Variants in ELFN1 observed in about 807,000 individuals in gnomAD.
ELFN1 encodes extracellular leucine rich repeat and fibronectin type III domain containing 1.
ELFN1 carries 6 observed loss-of-function variants against 7.6 expected under a neutral mutation model. The observed-to-expected ratio is 0.79, with a 90% confidence interval of 0.43 to 1.56. ELFN1 has a LOEUF of 1.56. ELFN1 is among the 40% of genes most tolerant of loss of function. ELFN1 has a pLI of 0.01. For synonymous variants in ELFN1, 657 were observed against 588.1 expected, an observed-to-expected ratio of 1.12 and a Z score of -1.70; for missense variants, 1,169 against 1,232.2, an observed-to-expected ratio of 0.95 and a Z score of 0.77.
intron 1 of ELFN1, among the ~76,000 whole-genome samples, chr7:1,684,097 C>G (rs1206927096): frequency 1.3e-5 from 2 of 152,072 alleles, no homozygotes; most frequent in African/African-American, 4.8e-5. Context: ...CTGCAGAAAG[C>G]TAAGATTACA....
At position 1,746,676 on chromosome 7, in the gene ELFN1, G is replaced by A; in HGVS notation, c.2080G>A (p.Ala694Thr). ...CGCGGCCGCCGTGCTGCGGGCCGAG[G>A]CCGAGAAGGGTCGCCAGTACGGCGA... ...TPAAAVLRAEAEKGRQYGEHR... is the reference protein window; with the variant it reads ...TPAAAVLRAETEKGRQYGEHR... The change falls in exon 4 of 4, where the codon GCC becomes ACC. Residue 694 changes from alanine (A) to threonine (T), a missense_variant. By Grantham distance (58) the Ala-to-Thr change is moderately conservative. Transcript: ENST00000424383. The A allele has an allele frequency of 7.1e-7, 1 of 1,415,438 alleles. No homozygotes were observed. The highest frequency in any genetic ancestry group is 1.4e-5 in the South Asian group (1 of 69,618). 87.7% of individuals were successfully genotyped at this position (1,415,438 alleles called of 1,614,324 possible). A position where few individuals can be genotyped will look rare whatever the true frequency, so the allele number is the denominator to read the frequency against.
upstream of ELFN1, among the ~76,000 whole-genome samples, chr7:1,667,487 G>A (rs1001832743): frequency 6.6e-6 from 1 of 152,146 alleles, no homozygotes; most frequent in African/African-American, 2.4e-5. The surrounding 1 kb of genome is among the most constrained non-coding windows in gnomAD (Gnocchi z 8.2). Context: ...GCGTCCCGGC[G>A]TCCCCCCTTC....
At position 1,695,155 on chromosome 7, in the gene ELFN1, G is replaced by T. The variant is rs2128581811; in HGVS notation, c.-456+7005G>T. Among the ~76,000 whole-genome samples, 1 of 152,358 alleles carries T rather than the reference G, an allele frequency of 6.6e-6. No homozygotes were observed. The highest frequency in any genetic ancestry group is 1.9e-4 in the East Asian group (1 of 5,174). On this transcript the variant is annotated intron_variant, in intron 2 of 3. Coordinates refer to ENST00000424383, the MANE Select transcript of ELFN1 (RefSeq NM_001128636.4). The surrounding 1 kb of genome is among the most constrained non-coding windows in gnomAD (Gnocchi z 5.1). Reference sequence around the variant, plus strand: ...GTGGGACCTGCTCTGTGGCTCCAGAGCTCATGCGCAGCCCGCTGGGGCTGT... The same window carrying T: ...GTGGGACCTGCTCTGTGGCTCCAGATCTCATGCGCAGCCCGCTGGGGCTGT...
At position 1,745,681 on chromosome 7, in the gene ELFN1, C is replaced by T. The variant is rs1483626797; in HGVS notation, c.1085C>T (p.Ala362Val). ...TCCACCGTGTCCAGGCTGACCAAGG[C>T]CCAGGAGGAGATCCGTCTGACCAAC... ...KASTVSRLTK[A>V]QEEIRLTNLF... Residue 362 changes from alanine to valine, a missense_variant, in exon 4 of 4, where the codon GCC becomes GTC. Physicochemically the swap from Ala to Val is moderately conservative, Grantham distance 64. Coordinates refer to ENST00000424383, the MANE Select transcript of ELFN1 (RefSeq NM_001128636.4). 4 of 1,551,384 alleles carry T rather than the reference C, an allele frequency of 2.6e-6. No homozygotes were observed. Among genetic ancestry groups the T allele is most frequent in the Admixed American group, 2.0e-5 (1 of 51,014 alleles).
intron 1 of ELFN1, among the ~76,000 whole-genome samples, chr7:1,686,823 G>A (rs1048629390): frequency 2.0e-5 from 3 of 152,038 alleles, no homozygotes; most frequent in South Asian, 2.1e-4. Context: ...GGGCACATGT[G>A]GAAGGCTTAT....
intron 1 of ELFN1, among the ~76,000 whole-genome samples, chr7:1,675,161 C>T (rs1335883284): frequency 1.3e-5 from 2 of 152,214 alleles, no homozygotes; most frequent in African/African-American, 4.8e-5. Flanking sequence ...CCCAGGCCCT[C>T]TGTGGCCCAC....
At chr7:1,712,681 C>T (rs1249476121) in intron 3 of ELFN1, among the ~76,000 whole-genome samples, 1 of 152,172 alleles carries the variant, frequency 6.6e-6, no homozygotes. Context: ...ATCCGCCCAC[C>T]TCAGCCTCCC....
At chr7:1,707,297 G>T (rs940798745) in intron 2 of ELFN1, among the ~76,000 whole-genome samples, 2 of 152,236 alleles carry the variant, frequency 1.3e-5, no homozygotes, top group Non-Finnish European at 2.9e-5. Flanking sequence ...CCCTCCACGT[G>T]ACTGCAGGCT....
rs1225005895 is a variant in ELFN1, at chr7:1,705,261, C to G, written c.-455-3830C>G. ...TGGGCTGCTGGCATCAGCAGGCGCC[C>G]CTCCTCCCCACCTCGCTAAACAATC... On this transcript the variant is annotated intron_variant, in intron 2 of 3. Coordinates refer to ENST00000424383, the MANE Select transcript of ELFN1 (RefSeq NM_001128636.4). The surrounding 1 kb of genome is among the most constrained non-coding windows in gnomAD (Gnocchi z 4.3). 6.6e-6 allele frequency among the ~76,000 whole-genome samples: 1 copy of G among 152,052 alleles called. No homozygotes were observed. Among genetic ancestry groups the G allele is most frequent in the Non-Finnish European group, 1.5e-5 (1 of 67,994 alleles).
chr7:1,678,280 A>T (rs1391167151), intron 1 of ELFN1, among the ~76,000 whole-genome samples: 1 of 152,180 alleles, frequency 6.6e-6, no homozygotes, highest in Admixed American at 6.5e-5. Context: ...GCCTGTGCCA[A>T]CATGGGACTT....
At chr7:1,702,447 C>T (rs1779449302) in intron 2 of ELFN1, among the ~76,000 whole-genome samples, 1 of 150,162 alleles carries the variant, frequency 6.7e-6, no homozygotes, top group African/African-American at 2.5e-5. Flanking sequence ...AAGAAGAAGA[C>T]CCTCCCTCAC....
chr7:1,745,685 G>A lies in ELFN1; in HGVS notation c.1089G>A (p.Gln363=). ...CCGTGTCCAGGCTGACCAAGGCCCAGGAGGAGATCCGTCTGACCAACCTGT... is the reference window on the plus strand; with the variant it reads ...CCGTGTCCAGGCTGACCAAGGCCCAAGAGGAGATCCGTCTGACCAACCTGT... ...ASTVSRLTKA[Q]EEIRLTNLFT... Residue 363 remains glutamine, a synonymous_variant, in exon 4 of 4, where the codon CAG becomes CAA. Coordinates refer to ENST00000424383, the MANE Select transcript of ELFN1 (RefSeq NM_001128636.4). 6.4e-7 allele frequency: 1 copy of A among 1,551,436 alleles called. No individual in the cohort carries two copies. The highest frequency in any genetic ancestry group is 1.2e-5 in the South Asian group (1 of 84,066).
chr7:1,745,353 G>T lies in ELFN1; in HGVS notation c.757G>T (p.Asp253Tyr). 6.5e-7 allele frequency: 1 copy of T among 1,539,924 alleles called. No homozygotes were observed. The highest frequency in any genetic ancestry group is 8.7e-7 in the Non-Finnish European group (1 of 1,146,520). Residue 253 changes from aspartate (D) to tyrosine (Y), a missense_variant, in exon 4 of 4, where the codon GAC (aspartate) becomes TAC (tyrosine). Asp to Tyr is a radical substitution (Grantham distance 160). This residue lies in a region of ELFN1 where 914 missense variants were observed against 872.6 expected (regional missense o/e 1.05). Transcript: ENST00000424383. ...LSKLQSVCTE[D>Y]SYAAEVVGPP... ...CAAACTGCAGTCAGTCTGCACCGAG[G>T]ACTCGTACGCGGCTGAGGTGGTCGG... is the stretch of plus-strand genomic sequence containing the variant.
At chr7:1,694,754 G>T (rs1033974133) in intron 2 of ELFN1, among the ~76,000 whole-genome samples, 1 of 152,182 alleles carries the variant, frequency 6.6e-6, no homozygotes, top group Admixed American at 6.5e-5. Flanking sequence ...CCCGCACAGC[G>T]GTCCTTTGCC....
chr7:1,677,632 G>C (rs1583309080), intron 1 of ELFN1, among the ~76,000 whole-genome samples: 1 of 151,498 alleles, frequency 6.6e-6, no homozygotes. Flanking sequence ...AGAGGTGTGT[G>C]CACACCCTCC....
chr7:1,744,367 G>A lies in ELFN1; in HGVS notation c.-230G>A, dbSNP rs968222456. The A allele has an allele frequency of 1.6e-5, 8 of 511,396 alleles. No homozygotes were observed. In the African/African-American group the frequency reaches 1.6e-4, roughly 10 times the overall value. 31.7% of individuals were successfully genotyped at this position (511,396 alleles called of 1,614,324 possible). ...GGACACCCAGGCCCATGGGGCAGGA[G>A]GCCTCGGTCACCACAGGACTGGGGC... On this transcript the variant is annotated 5_prime_UTR_variant, in exon 4 of 4. Coordinates refer to ENST00000424383, the MANE Select transcript of ELFN1 (RefSeq NM_001128636.4).
chr7:1,704,742 G>T (rs1048387556), intron 2 of ELFN1, among the ~76,000 whole-genome samples: 2 of 152,064 alleles, frequency 1.3e-5, no homozygotes, highest in Non-Finnish European at 2.9e-5. Context: ...TCCACAGCCA[G>T]GTGCCCAGCC....
At chr7:1,717,901 C>T (rs1779883659) in intron 3 of ELFN1, among the ~76,000 whole-genome samples, 1 of 152,172 alleles carries the variant, frequency 6.6e-6, no homozygotes, top group African/African-American at 2.4e-5. Flanking sequence ...GTGCCAGGCC[C>T]CCTCCCTTGT....
rs183141387 is a variant in ELFN1 at position 1,696,896 on chromosome 7, C to T, written c.-456+8746C>T. Among the ~76,000 whole-genome samples, 41 of 152,244 alleles carry T rather than the reference C, an allele frequency of 2.7e-4. No individual in the cohort carries two copies. In the East Asian group the frequency reaches 7.0e-3, roughly 26 times the overall value. On this transcript the variant is annotated intron_variant, in intron 2 of 3. Transcript: ENST00000424383. ...GAGCTGAGGGTCCGGTGGGATGACT[C>T]GAGCAAAGGAAGGCATTAGGAAAAC... is the stretch of plus-strand genomic sequence containing the variant.
Sources: gnomAD v4.1 joint callset for allele counts (sites outside exome capture counted in the v4.1 genomes callset) on GRCh38, gnomAD v4.1.1 for gene constraint, gnomAD v4.1.1 regional missense constraint, Gnocchi (gnomAD v3.1) non-coding constraint, MANE v1.5 for transcripts, NCBI Gene and HGNC (gene_info 2026-07-23, HGNC 2026-07-21) for gene names.